The following DNAJC17 variants were observed in gnomAD, a reference collection of about 807,000 sequenced individuals.
The protein encoded by DNAJC17 is dnaJ homolog subfamily C member 17.
A neutral mutation model predicts 48.1 loss-of-function variants in DNAJC17; 35 were observed. That is an observed-to-expected ratio of 0.73 (90% CI 0.56 to 0.96). The LOEUF is 0.96. Among genes scored for constraint, DNAJC17 ranks in the 50% least tolerant of loss-of-function variants. The probability of loss-of-function intolerance (pLI) is 0.00; values close to 1 mark genes in which losing one functional copy is unlikely to be tolerated. For missense variants in DNAJC17, 355 were observed against 377.1 expected (o/e 0.94, Z 0.48); for synonymous variants, 117 against 142.7 (o/e 0.82, Z 1.28).
rs1431448926 is a variant in DNAJC17, at chr15:40,767,468, TG to T, written c.*471del. 3 of 1,205,414 alleles carry T rather than the reference TG, an allele frequency of 2.5e-6. No individual in the cohort carries two copies. Among genetic ancestry groups the T allele is most frequent in the Admixed American group, 2.8e-5 (1 of 35,442 alleles). The allele number at this position is 1,205,414 out of a possible 1,614,324, so 74.7% of individuals were successfully genotyped here. A position where few individuals can be genotyped will look rare whatever the true frequency, so the allele number is the denominator to read the frequency against. On this transcript the variant is annotated 3_prime_UTR_variant, in exon 11 of 11. Transcript: ENST00000220496. ...CTCTCTTCCCAAATCATCACCGCCATGGGCCCAGCCCCAAAGGGCAGTGAAT... is the reference window on the plus strand; with the variant it reads ...CTCTCTTCCCAAATCATCACCGCCATGGCCCAGCCCCAAAGGGCAGTGAAT...
intron 1 of DNAJC17, among the ~76,000 whole-genome samples, chr15:40,794,292 G>A (rs957468635): frequency 2.6e-5 from 4 of 152,062 alleles, no homozygotes; most frequent in Admixed American, 1.3e-4. Flanking sequence ...AGAGGTTGCA[G>A]TGAGCTGAGA....
intron 7 of DNAJC17, 77 bp from the exon 8 acceptor site, chr15:40,775,185 G>T: frequency 6.7e-7 from 1 of 1,484,662 alleles, no homozygotes; most frequent in Non-Finnish European, 9.4e-7. Flanking sequence ...GACAGTCTGA[G>T]CAGACATCCT....
intron 1 of DNAJC17, among the ~76,000 whole-genome samples, chr15:40,804,924 C>T (rs549305532): frequency 2.0e-5 from 3 of 148,954 alleles, no homozygotes; most frequent in Non-Finnish European, 4.5e-5. Context: ...ATTCCCTGAA[C>T]CTGGGGGGCA....
chr15:40,789,833 G>A (rs554347172), intron 1 of DNAJC17, among the ~76,000 whole-genome samples: 26 of 147,516 alleles, frequency 1.8e-4, no homozygotes, highest in Middle Eastern at 7.1e-3. Context: ...GTGAACCCGG[G>A]AGGCGCATCT....
At chr15:40,803,461 AAGG>A (rs1890124497) in intron 1 of DNAJC17, among the ~76,000 whole-genome samples, 1 of 152,242 alleles carries the variant, frequency 6.6e-6, no homozygotes, top group African/African-American at 2.4e-5. Context: ...AAGTGCTAGA[AAGG>A]AGAATGGCTG....
In DNAJC17 at chr15:40,771,366, G is replaced by A. The variant is rs1889136069; in HGVS notation, c.792+2361C>T. 8 of 324,586 alleles carry A rather than the reference G, an allele frequency of 2.5e-5. No individual in the cohort carries two copies. In the South Asian group the frequency reaches 3.2e-4, roughly 13 times the overall value. 20.1% of individuals were successfully genotyped at this position (324,586 alleles called of 1,614,324 possible). A position where few individuals can be genotyped will look rare whatever the true frequency, so the allele number is the denominator to read the frequency against. ...GCGGCACTACAGGAACCAGGTAGAG[G>A]CTGGCAGAGCCAGAAGGTGGCACGG... On this transcript the variant is annotated intron_variant, in intron 10 of 10. Coordinates refer to ENST00000220496, the MANE Select transcript of DNAJC17 (RefSeq NM_018163.3).
chr15:40,792,247 T>C (rs1458986410), intron 1 of DNAJC17, among the ~76,000 whole-genome samples: 2 of 152,226 alleles, frequency 1.3e-5, no homozygotes, highest in African/African-American at 2.4e-5. Flanking sequence ...AAGAAATATG[T>C]AGCTAGTGGT....
intron 1 of DNAJC17, among the ~76,000 whole-genome samples, chr15:40,797,557 C>T (rs1889968022): frequency 6.6e-6 from 1 of 151,084 alleles, no homozygotes; most frequent in East Asian, 1.9e-4. Context: ...GGATTACAGG[C>T]ACCCGCCACC....
chr15:40,786,094 T>C (rs1463820937), intron 1 of DNAJC17, among the ~76,000 whole-genome samples: 1 of 152,226 alleles, frequency 6.6e-6, no homozygotes, highest in African/African-American at 2.4e-5. Context: ...TTTCTCACCA[T>C]GTAAACACAA....
At position 40,768,003 on chromosome 15, in the gene DNAJC17, C is replaced by G. The variant is rs151327520; in HGVS notation, c.852G>C (p.Ala284=). The G allele has an allele frequency of 6.2e-6, 10 of 1,604,528 alleles. No homozygotes were observed. The South Asian group carries it at 1.0e-4, about 16-fold the overall frequency. ...ESLVMMRMRQ[A]AERQQLIARM... ...GTGCGATCAGCTGTTGCCGCTCGGC[C>G]GCCTGGCGCATGCGCATCATGACGA... The change falls in exon 11 of 11, where the codon GCG becomes GCC. Residue 284 remains alanine, a synonymous_variant. Transcript: ENST00000220496.
intron 9 of DNAJC17, 118 bp from the exon 10 acceptor site, chr15:40,773,955 C>A: frequency 1.1e-6 from 1 of 872,002 alleles, no homozygotes. Context: ...AGATGCCAAC[C>A]TCAGCAGCCT....
intron 1 of DNAJC17, among the ~76,000 whole-genome samples, chr15:40,793,492 C>A (rs1447962107): frequency 6.6e-6 from 1 of 152,036 alleles, no homozygotes; most frequent in African/African-American, 2.4e-5. Flanking sequence ...CTCTGGTGAT[C>A]CTCAATTTTG....
Position 40,770,503 on chromosome 15 carries a change from C to A in DNAJC17, c.793-2441G>T. The A allele has an allele frequency of 6.5e-7, 1 of 1,549,162 alleles. No homozygotes were observed. The highest frequency in any genetic ancestry group is 1.2e-5 in the South Asian group (1 of 83,888). Reference sequence around the variant, plus strand: ...CTGGCTCCCCTGGGCCCCATGGAGACCTGGCGGAAAGGCTCCTTCCGCAAC... The same window carrying A: ...CTGGCTCCCCTGGGCCCCATGGAGAACTGGCGGAAAGGCTCCTTCCGCAAC... On this transcript the variant is annotated intron_variant, in intron 10 of 10. Transcript: ENST00000220496. This position sits in a 1 kb window ranked among gnomAD's most constrained non-coding sequence, Gnocchi z 5.0.
chr15:40,779,467 G>T lies in DNAJC17; in HGVS notation c.207+78C>A. On this transcript the variant is annotated intron_variant, in intron 3 of 10. Transcript: ENST00000220496. ...AGCAAGGACTGTGCCACATGGCAAA[G>T]GGCAGAGGACCGAGGTTGAGAGGCA... 2.5e-6 allele frequency: 4 copies of T among 1,592,818 alleles called. No individual in the cohort carries two copies. The South Asian group carries it at 4.4e-5, about 18-fold the overall frequency.
chr15:40,767,367 G>A lies in DNAJC17; in HGVS notation c.*573C>T. ...AGGAGTGACCTTCTCATGCTGATTT[G>A]CAGACGGGGCACCCCTGTGGAGGGG... On this transcript the variant is annotated 3_prime_UTR_variant, in exon 11 of 11. Coordinates refer to ENST00000220496, the MANE Select transcript of DNAJC17 (RefSeq NM_018163.3). The A allele has an allele frequency of 1.9e-6, 3 of 1,590,324 alleles. No homozygotes were observed. The highest frequency in any genetic ancestry group is 2.6e-6 in the Non-Finnish European group (3 of 1,169,240).
Position 40,776,274 on chromosome 15 carries a change from C to A in DNAJC17, c.400G>T (p.Glu134Ter), listed in dbSNP as rs1384095169. 4 of 1,614,052 alleles carry A rather than the reference C, an allele frequency of 2.5e-6. No individual in the cohort carries two copies. In the African/African-American group the frequency reaches 4.0e-5, roughly 16 times the overall value. ...LEQEIERLRE[E>*]GSRQLEEQQR... Reference sequence around the variant, plus strand: ...TGTTCCTCCAGCTGCCGGGAACCCTCTTCTCTCAGGCGTTCGATCTGCAGA... The same window carrying A: ...TGTTCCTCCAGCTGCCGGGAACCCTATTCTCTCAGGCGTTCGATCTGCAGA... Residue 134 changes from glutamate (E) to a stop codon, truncating the protein, a stop_gained, in exon 6 of 11, where the codon GAG becomes TAG. Transcript: ENST00000220496. LOFTEE classifies it high-confidence loss of function.
At chr15:40,792,841 AC>A (rs964782726) in intron 1 of DNAJC17, among the ~76,000 whole-genome samples, 18 of 150,588 alleles carry the variant, frequency 1.2e-4, no homozygotes, top group African/African-American at 4.2e-4. Context: ...ACCTCTCTGA[AC>A]CTCCATTCTC....
rs368790948 is a variant in DNAJC17, at chr15:40,777,714, G to A, written c.296-1087C>T. Among the ~76,000 whole-genome samples, 9 of 147,278 alleles carry A rather than the reference G, an allele frequency of 6.1e-5. No homozygotes were observed. In the South Asian group the frequency reaches 6.4e-4, roughly 11 times the overall value. Reference sequence around the variant, plus strand: ...GCCTGGGCAACAAGAGCGAAACTCCGTTTAAGAAAAAAAAAAAAAGAGTGC... The same window carrying A: ...GCCTGGGCAACAAGAGCGAAACTCCATTTAAGAAAAAAAAAAAAAGAGTGC... On this transcript the variant is annotated intron_variant, in intron 4 of 10. Transcript: ENST00000220496.
chr15:40,773,091 G>A (rs779414521), intron 10 of DNAJC17, among the ~76,000 whole-genome samples: 2 of 151,840 alleles, frequency 1.3e-5, no homozygotes, highest in Non-Finnish European at 2.9e-5. Context: ...CTCCTGAGTA[G>A]CTGGGATTAC....
Sources: allele counts gnomAD v4.1 joint callset (sites outside exome capture counted in the v4.1 genomes callset), GRCh38; gene constraint gnomAD v4.1.1; non-coding constraint Gnocchi (gnomAD v3.1); transcripts MANE v1.5; gene names NCBI Gene and HGNC (gene_info 2026-07-23, HGNC 2026-07-21).